The following TRAF2 variants were observed in gnomAD, a reference collection of about 807,000 sequenced individuals.
TRAF2 encodes the protein TNF receptor-associated factor 2.
TRAF2 carries 6 observed loss-of-function variants against 55.6 expected under a neutral mutation model. The ratio of observed to expected loss-of-function variants is 0.11; its 90% confidence interval spans 0.06 to 0.21. The LOEUF (loss-of-function observed/expected upper bound fraction) is 0.21, where lower values mean the gene tolerates loss of function less well. Ranked by LOEUF, TRAF2 falls within the 10% of genes least tolerant of loss-of-function variation. The pLI is 1.00. For missense variants in TRAF2, 561 were observed against 684.5 expected (o/e 0.82, Z 2.01); for synonymous variants, 329 against 276.3 (o/e 1.19, Z -1.89).
At chr9:136,883,233 CATTT>C, upstream of TRAF2, among the ~76,000 whole-genome samples, 2 of 152,190 alleles carry the variant, frequency 1.3e-5, no homozygotes, top group East Asian at 1.9e-4. Context: ...TAAACAAAGG[CATTT>C]TCATGAGAGC....
chr9:136,909,327 A>G (rs1850041802), intron 5 of TRAF2, among the ~76,000 whole-genome samples: 1 of 146,688 alleles, frequency 6.8e-6, no homozygotes, highest in Admixed American at 6.8e-5. Context: ...GGTGTATCTG[A>G]ATCACGATCC....
At chr9:136,899,765 C>T in intron 3 of TRAF2, 93 bp downstream of exon 3, 1 of 1,256,820 alleles carries the variant, frequency 8.0e-7, no homozygotes, top group Non-Finnish European at 1.1e-6. Flanking sequence ...TGGCTCACAC[C>T]TGTAATCCCA....
At chr9:136,894,129 C>T (rs1849635119) in intron 1 of TRAF2, among the ~76,000 whole-genome samples, 1 of 149,786 alleles carries the variant, frequency 6.7e-6, no homozygotes, top group South Asian at 2.1e-4. Flanking sequence ...TCACTGCAAC[C>T]TCTGCTTGCT....
chr9:136,925,582 G>A (rs1056081973), intron 10 of TRAF2, 101 bp from the exon 11 acceptor site: 9 of 1,232,794 alleles, frequency 7.3e-6, no homozygotes, highest in Non-Finnish European at 1.0e-5. Flanking sequence ...TGGGTCCTGG[G>A]ATGGCCTCCT....
chr9:136,900,655 A>AGAG, intron 4 of TRAF2, 135 bp downstream of exon 4: 1 of 761,774 alleles, frequency 1.3e-6, no homozygotes, highest in African/African-American at 1.7e-5. Flanking sequence ...CTGTGGAGGA[A>AGAG]GAGACGGAGC....
At chr9:136,892,445 C>G (rs1181373204) in intron 1 of TRAF2, among the ~76,000 whole-genome samples, 1 of 151,934 alleles carries the variant, frequency 6.6e-6, no homozygotes, top group African/African-American at 2.4e-5. Context: ...GCCTGGGCGA[C>G]AGAGCGAGAC....
rs1850532586 is a variant in TRAF2, at chr9:136,926,375, G to C, written c.*474G>C. 6.1e-6 allele frequency: 2 copies of C among 330,098 alleles called. No individual in the cohort carries two copies. The highest frequency in any genetic ancestry group is 4.8e-5 in the South Asian group (2 of 41,390). The allele number at this position is 330,098 out of a possible 1,614,324, so 20.4% of individuals were successfully genotyped here. A position where few individuals can be genotyped will look rare whatever the true frequency, so the allele number is the denominator to read the frequency against. On this transcript the variant is annotated 3_prime_UTR_variant, in exon 11 of 11. Coordinates refer to ENST00000247668, the MANE Select transcript of TRAF2 (RefSeq NM_021138.4). ...AGAGCAAGGAAGGCTGAGCAGCTTG[G>C]TTCTCCCCTCTGGCCCCTGGAGAGA...
chr9:136,906,797 C>T (rs186823641), intron 4 of TRAF2, among the ~76,000 whole-genome samples: 2 of 152,356 alleles, frequency 1.3e-5, no homozygotes, highest in East Asian at 1.9e-4. Flanking sequence ...GTTCAGTCTG[C>T]CGGCAGGTCC....
Position 136,899,656 on chromosome 9 carries a change from T to G in TRAF2, c.251T>G (p.Ile84Ser). 1 of 1,612,942 alleles carries G rather than the reference T, an allele frequency of 6.2e-7. No individual in the cohort carries two copies. Among genetic ancestry groups the G allele is most frequent in the Non-Finnish European group, 8.5e-7 (1 of 1,179,090 alleles). The change falls in exon 3 of 11, where the codon ATT (isoleucine) becomes AGT (serine). Residue 84 changes from isoleucine (I) to serine (S), a missense_variant. Coordinates refer to ENST00000247668, the MANE Select transcript of TRAF2 (RefSeq NM_021138.4). The stretch of plus-strand genomic sequence containing the variant: ...GGCATATATGAAGAAGGCATTTCTA[T>G]TTTAGAAAGCAGTTCGGTAAGTAAA... ...HEGIYEEGIS[I>S]LESSSAFPDN...
intron 5 of TRAF2, 143 bp downstream of exon 5, chr9:136,908,374 A>C: frequency 1.0e-6 from 1 of 966,842 alleles, no homozygotes. Flanking sequence ...ACGCGGGCGG[A>C]TGTTTCTTGG....
intron 1 of TRAF2, among the ~76,000 whole-genome samples, chr9:136,887,557 G>C (rs1398588397): frequency 6.6e-6 from 1 of 152,192 alleles, no homozygotes; most frequent in Non-Finnish European, 1.5e-5. Flanking sequence ...CGGAGGAGGA[G>C]GGAGTCTGGT....
At chr9:136,885,554 G>A (rs1267848900), upstream of TRAF2, among the ~76,000 whole-genome samples, 1 of 152,178 alleles carries the variant, frequency 6.6e-6, no homozygotes, top group Non-Finnish European at 1.5e-5. Context: ...TTTCACTTGA[G>A]GTCGGGAGTT....
chr9:136,908,363 C>A, intron 5 of TRAF2, 132 bp downstream of exon 5: 2 of 1,025,256 alleles, frequency 2.0e-6, no homozygotes, highest in South Asian at 1.7e-5. Flanking sequence ...TCCCTGGAGA[C>A]ACGCGGGCGG....
intron 7 of TRAF2, among the ~76,000 whole-genome samples, chr9:136,917,674 A>G (rs961730649): frequency 7.2e-5 from 11 of 152,216 alleles, no homozygotes; most frequent in Admixed American, 2.6e-4. Flanking sequence ...TGGTAGAGTC[A>G]GTTGCTGACT....
chr9:136,906,612 C>T (rs1016937420), intron 4 of TRAF2, among the ~76,000 whole-genome samples: 4 of 152,150 alleles, frequency 2.6e-5, no homozygotes, highest in African/African-American at 9.7e-5. Flanking sequence ...CACAGCCAAA[C>T]CATATCAGTG....
intron 6 of TRAF2, among the ~76,000 whole-genome samples, chr9:136,914,054 T>C (rs1588438583): frequency 6.6e-6 from 1 of 152,246 alleles, no homozygotes; most frequent in East Asian, 1.9e-4. Context: ...TTTGATAAGG[T>C]GTTTGCCCCT....
chr9:136,894,596 T>G (rs1849644335), intron 1 of TRAF2, among the ~76,000 whole-genome samples: 1 of 151,058 alleles, frequency 6.6e-6, no homozygotes, highest in Non-Finnish European at 1.5e-5. Context: ...GGGGGCATCA[T>G]GAGGATGGAG....
chr9:136,883,967 G>A (rs543440711), upstream of TRAF2, among the ~76,000 whole-genome samples: 29 of 151,716 alleles, frequency 1.9e-4, no homozygotes, highest in Non-Finnish European at 3.4e-4. Context: ...TGTGAGTACA[G>A]GCGCGTACCA....
At chr9:136,912,751 TG>T (rs17250462) in intron 6 of TRAF2, among the ~76,000 whole-genome samples, 116,330 of 151,838 alleles carry the variant, frequency 0.77, 44,803 homozygotes, top group East Asian at 0.87. Flanking sequence ...GTGCGAAAAT[TG>T]CTTGAACCCA....
Sources: allele counts gnomAD v4.1 joint callset (sites outside exome capture counted in the v4.1 genomes callset), GRCh38; gene constraint gnomAD v4.1.1; transcripts MANE v1.5; gene names NCBI Gene and HGNC (gene_info 2026-07-23, HGNC 2026-07-21).